The following TRIO variants were observed in gnomAD, a reference collection of about 807,000 sequenced individuals.
The protein encoded by TRIO is trio Rho guanine nucleotide exchange factor.
In TRIO, 58 loss-of-function variants were observed where a neutral mutation model predicts 351.9. The ratio of observed to expected loss-of-function variants is 0.16; its 90% CI spans 0.13 to 0.21. TRIO has a LOEUF of 0.21. Ranked by LOEUF, TRIO falls within the 10% of genes least tolerant of loss-of-function variation. The pLI is 1.00. For synonymous variants in TRIO, 1,758 were observed against 1,595.7 expected, an observed-to-expected ratio of 1.10 and a Z score of -2.42; for missense variants, 3,201 against 4,027.8, an observed-to-expected ratio of 0.79 and a Z score of 5.56.
chr5:14,428,081 C>A (rs1342494270), intron 34 of TRIO, among the ~76,000 whole-genome samples: 1 of 152,112 alleles, frequency 6.6e-6, no homozygotes, highest in Admixed American at 6.5e-5. Flanking sequence ...TGGTCTTTCC[C>A]GGATCATGAA....
chr5:14,445,465 A>G (rs1752370430), intron 34 of TRIO, among the ~76,000 whole-genome samples: 1 of 152,196 alleles, frequency 6.6e-6, no homozygotes, highest in Admixed American at 6.5e-5. Flanking sequence ...GTCTGTTTAT[A>G]TGTAAAATGA....
chr5:14,502,161 G>A (rs777580137), intron 53 of TRIO, among the ~76,000 whole-genome samples: 1 of 152,166 alleles, frequency 6.6e-6, no homozygotes, highest in South Asian at 2.1e-4. Context: ...ACTTAGCCTC[G>A]AGGTGGTGCG....
chr5:14,408,651 A>G (rs1748923279), intron 33 of TRIO, among the ~76,000 whole-genome samples: 1 of 152,116 alleles, frequency 6.6e-6, no homozygotes, highest in Admixed American at 6.5e-5. Context: ...CTTTTTAATA[A>G]AGTAATCAAG....
intron 20 of TRIO, among the ~76,000 whole-genome samples, chr5:14,380,428 A>G (rs185355): frequency 0.28 from 42,255 of 151,822 alleles, 6,052 homozygotes; most frequent in Middle Eastern, 0.37. Context: ...GTCGTATCCC[A>G]TCCCGCTTCC....
chr5:14,283,856 T>G (rs1362931841), intron 3 of TRIO, among the ~76,000 whole-genome samples: 1 of 151,694 alleles, frequency 6.6e-6, no homozygotes, highest in Non-Finnish European at 1.5e-5. Flanking sequence ...GTAGGAGAAA[T>G]AAGAAGCAGC....
intron 1 of TRIO, among the ~76,000 whole-genome samples, chr5:14,148,508 T>C (rs1051041127): frequency 6.6e-6 from 1 of 152,240 alleles, no homozygotes; most frequent in Admixed American, 6.5e-5. Context: ...CTCACTGATA[T>C]TGATAGGGAT....
intron 11 of TRIO, among the ~76,000 whole-genome samples, chr5:14,352,053 G>A (rs1226694883): frequency 2.0e-5 from 3 of 152,188 alleles, no homozygotes; most frequent in Admixed American, 6.5e-5. Flanking sequence ...CTTGTGGGAG[G>A]CTTCCCACAT....
chr5:14,239,279 C>G (rs560280192), intron 1 of TRIO, among the ~76,000 whole-genome samples: 3 of 152,110 alleles, frequency 2.0e-5, no homozygotes, highest in African/African-American at 7.2e-5. Flanking sequence ...CCCTCCCCCC[C>G]ATTCTTAGTT....
intron 48 of TRIO, among the ~76,000 whole-genome samples, chr5:14,490,379 G>C (rs1300809909): frequency 2.0e-5 from 3 of 152,202 alleles, no homozygotes; most frequent in Admixed American, 2.0e-4. Flanking sequence ...TCACAGTCAA[G>C]CAGCTGTGCC....
At chr5:14,270,785 T>G in intron 1 of TRIO, 40 bp from the exon 2 acceptor site, 9 of 1,548,384 alleles carry the variant, frequency 5.8e-6, no homozygotes, top group Non-Finnish European at 8.0e-6. Flanking sequence ...ACTGTCACTC[T>G]GGCAACCCAG....
intron 18 of TRIO, among the ~76,000 whole-genome samples, chr5:14,372,952 A>G (rs1034772688): frequency 6.6e-6 from 1 of 152,242 alleles, no homozygotes; most frequent in Non-Finnish European, 1.5e-5. Flanking sequence ...TCACAGTTCC[A>G]TAGGACAGGG....
At chr5:14,465,123 T>G (rs1754152062) in intron 36 of TRIO, among the ~76,000 whole-genome samples, 1 of 152,210 alleles carries the variant, frequency 6.6e-6, no homozygotes, top group East Asian at 1.9e-4. Context: ...CCTGTTTTGT[T>G]TCCTGATTAT....
intron 42 of TRIO, among the ~76,000 whole-genome samples, chr5:14,479,710 C>G (rs1196194678): frequency 6.6e-6 from 1 of 152,016 alleles, no homozygotes; most frequent in Non-Finnish European, 1.5e-5. Context: ...TGCCTTTAAA[C>G]AAGCATAAAA....
At chr5:14,384,398 A>G (rs1746366561) in intron 21 of TRIO, among the ~76,000 whole-genome samples, 1 of 152,172 alleles carries the variant, frequency 6.6e-6, no homozygotes, top group South Asian at 2.1e-4. Context: ...ATTTGCTTTT[A>G]TTTTTCTCCA....
intron 1 of TRIO, among the ~76,000 whole-genome samples, chr5:14,218,314 A>G (rs191408630): frequency 2.0e-5 from 3 of 152,340 alleles, no homozygotes; most frequent in Admixed American, 1.3e-4. Context: ...TGATTGCTAA[A>G]GTAATTTTCT....
At chr5:14,502,509 G>C (rs866804604) in intron 53 of TRIO, 70 bp from the exon 54 acceptor site, 1 of 1,530,532 alleles carries the variant, frequency 6.5e-7, no homozygotes, top group African/African-American at 1.4e-5. Flanking sequence ...GGGACAGTGC[G>C]TGGCGATAGC....
chr5:14,266,160 G>A (rs1298365446), intron 1 of TRIO, among the ~76,000 whole-genome samples: 1 of 152,050 alleles, frequency 6.6e-6, no homozygotes, highest in Non-Finnish European at 1.5e-5. Context: ...CTGGGTCCAA[G>A]TGATTCTTCT....
intron 33 of TRIO, among the ~76,000 whole-genome samples, chr5:14,414,568 G>A (rs1320358145): frequency 6.6e-6 from 1 of 152,088 alleles, no homozygotes; most frequent in Non-Finnish European, 1.5e-5. Flanking sequence ...GTTGAGTATG[G>A]TAAGCTGCTG....
chr5:14,186,217 C>G (rs184091522), intron 1 of TRIO, among the ~76,000 whole-genome samples: 1 of 152,326 alleles, frequency 6.6e-6, no homozygotes, highest in East Asian at 1.9e-4. Flanking sequence ...TTTTTCTAGC[C>G]TGATCACCAG....
Sources: gnomAD v4.1 joint callset for allele counts (sites outside exome capture counted in the v4.1 genomes callset) on GRCh38, gnomAD v4.1.1 for gene constraint, MANE v1.5 for transcripts, NCBI Gene and HGNC (gene_info 2026-07-23, HGNC 2026-07-21) for gene names.